The following CHLSN variants were observed in gnomAD, a reference collection of about 807,000 sequenced individuals.
CHLSN encodes the protein cholesin.
chr7:1,000,416 G>T, the CHLSN span: 1 of 1,146,304 alleles, frequency 8.7e-7, no homozygotes. Context: ...TGCCTGCCCC[G>T]CCGTGCACAG....
At chr7:1,105,438 C>A in the CHLSN span, among the ~76,000 whole-genome samples, 3 of 152,124 alleles carry the variant, frequency 2.0e-5, no homozygotes, top group Non-Finnish European at 4.4e-5. Context: ...CATGGGGTGG[C>A]CTGTGGTTCA....
At chr7:1,024,305 C>T in the CHLSN span, among the ~76,000 whole-genome samples, 1 of 152,170 alleles carries the variant, frequency 6.6e-6, no homozygotes, top group South Asian at 2.1e-4. Flanking sequence ...TTGCCAGAGA[C>T]GTGGGACCAG....
At chr7:997,944 T>A in the CHLSN span, 1 of 704,534 alleles carries the variant, frequency 1.4e-6, no homozygotes, top group Non-Finnish European at 2.4e-6. Context: ...GTGGGCGGCC[T>A]GGCCACAGAC....
the CHLSN span, chr7:1,080,903 C>A: frequency 1.3e-5 from 2 of 152,398 alleles, no homozygotes; most frequent in African/African-American, 4.8e-5. Context: ...TCGTCCCACT[C>A]TGCATGAACT....
At chr7:1,007,633 G>C in the CHLSN span, among the ~76,000 whole-genome samples, 1 of 152,032 alleles carries the variant, frequency 6.6e-6, no homozygotes, top group Non-Finnish European at 1.5e-5. Context: ...CCTGGTGTGT[G>C]GATCCCAGGC....
chr7:1,005,394 C>G, the CHLSN span, among the ~76,000 whole-genome samples: 2 of 152,232 alleles, frequency 1.3e-5, no homozygotes, highest in African/African-American at 2.4e-5. Flanking sequence ...GAAGCCGGCC[C>G]GCAGCCACAG....
the CHLSN span, chr7:987,633 G>C: frequency 8.5e-7 from 1 of 1,172,842 alleles, no homozygotes; most frequent in South Asian, 1.6e-5. Context: ...GTGCCTGATG[G>C]CCCAGCGCTC....
the CHLSN span, among the ~76,000 whole-genome samples, chr7:1,079,423 G>A: frequency 1.3e-5 from 2 of 152,232 alleles, no homozygotes; most frequent in Non-Finnish European, 2.9e-5. Flanking sequence ...GGGATGGTAT[G>A]AAAGACAAGC....
the CHLSN span, among the ~76,000 whole-genome samples, chr7:1,068,042 GC>G: frequency 6.6e-6 from 1 of 152,156 alleles, no homozygotes; most frequent in South Asian, 2.1e-4. Flanking sequence ...ACACGCTGCG[GC>G]CCCAGCAACG....
chr7:1,087,305 C>CA, the CHLSN span: 1 of 152,238 alleles, frequency 6.6e-6, no homozygotes, highest in Non-Finnish European at 1.5e-5. Flanking sequence ...CGCTAACACT[C>CA]AGAGAAAACT....
the CHLSN span, among the ~76,000 whole-genome samples, chr7:1,126,113 G>C: frequency 6.6e-6 from 1 of 152,088 alleles, no homozygotes; most frequent in African/African-American, 2.4e-5. Flanking sequence ...TGTAATCCCA[G>C]CACTTGGGAG....
the CHLSN span, among the ~76,000 whole-genome samples, chr7:1,024,079 G>A: frequency 5.3e-5 from 8 of 152,274 alleles, no homozygotes; most frequent in South Asian, 1.0e-3. Flanking sequence ...CCTCCTTGCC[G>A]GCCTCCCAAA....
chr7:1,032,375 C>T, the CHLSN span, among the ~76,000 whole-genome samples: 6 of 152,358 alleles, frequency 3.9e-5, 1 homozygote, highest in African/African-American at 2.4e-5. Context: ...CGTGGCATCA[C>T]GAGAATCCAC....
chr7:1,096,345 C>T, the CHLSN span, among the ~76,000 whole-genome samples: 1 of 152,212 alleles, frequency 6.6e-6, no homozygotes, highest in South Asian at 2.1e-4. This position sits in a 1 kb window ranked among gnomAD's most constrained non-coding sequence, Gnocchi z 4.6. Flanking sequence ...GCAGCCAAGC[C>T]ACCGGGCTGC....
chr7:1,035,917 G>A, the CHLSN span, among the ~76,000 whole-genome samples: 2 of 152,204 alleles, frequency 1.3e-5, no homozygotes, highest in Non-Finnish European at 2.9e-5. Flanking sequence ...CTGGATAACT[G>A]TAGTCCATCC....
the CHLSN span, among the ~76,000 whole-genome samples, chr7:1,065,515 A>G: frequency 0.019 from 2,939 of 152,340 alleles, 104 homozygotes; most frequent in African/African-American, 0.067. Flanking sequence ...GCGCGGCAAC[A>G]GGGTGAACCT....
chr7:1,076,981 G>A, the CHLSN span, among the ~76,000 whole-genome samples: 15 of 152,246 alleles, frequency 9.9e-5, no homozygotes, highest in African/African-American at 1.9e-4. Context: ...AGCTCCTGCT[G>A]TTCTGGGTAC....
chr7:1,040,901 C>G, the CHLSN span, among the ~76,000 whole-genome samples: 1 of 152,242 alleles, frequency 6.6e-6, no homozygotes, highest in Non-Finnish European at 1.5e-5. Context: ...TGAGCAAAGG[C>G]AGACGTGCCG....
the CHLSN span, among the ~76,000 whole-genome samples, chr7:1,009,781 G>C: frequency 6.6e-6 from 1 of 152,260 alleles, no homozygotes; most frequent in African/African-American, 2.4e-5. Context: ...AAGGCTCTGG[G>C]CCATTCAGAC....
Sources: gnomAD v4.1 joint callset for allele counts (sites outside exome capture counted in the v4.1 genomes callset) on GRCh38, gnomAD v4.1.1 for gene constraint, Gnocchi (gnomAD v3.1) non-coding constraint, MANE v1.5 for transcripts, NCBI Gene and HGNC (gene_info 2026-07-23, HGNC 2026-07-21) for gene names.